Variants in OR10H1 observed in about 807,000 individuals in gnomAD.
The protein encoded by OR10H1 is olfactory receptor 10H1.
In OR10H1, 12 loss-of-function variants were observed where a neutral mutation model predicts 13.1. The ratio of observed to expected loss-of-function variants is 0.92; its 90% CI spans 0.59 to 1.48. The LOEUF (loss-of-function observed/expected upper bound fraction) is 1.48. OR10H1 is among the 40% of genes most tolerant of loss of function. The probability of loss-of-function intolerance (pLI) is 0.00; values close to 1 mark genes in which losing one functional copy is unlikely to be tolerated. For synonymous variants in OR10H1, 168 were observed against 175.6 expected (o/e 0.96, Z 0.34); for missense variants, 363 against 413.1 (o/e 0.88, Z 1.05).
Position 15,807,023 on chromosome 19 carries a change from C to T in OR10H1, c.*58G>A, listed in dbSNP as rs1013094181. On this transcript the variant is annotated 3_prime_UTR_variant, in exon 4 of 4. Coordinates refer to ENST00000641419, the MANE Select transcript of OR10H1 (RefSeq NM_013940.4). ...ATTACAGGCATGAGTCACCACGGAACGTAATTTTTAACAATAGCCTTCGGT... is the reference window on the plus strand; with the variant it reads ...ATTACAGGCATGAGTCACCACGGAATGTAATTTTTAACAATAGCCTTCGGT... 13 of 1,501,770 alleles carry T rather than the reference C, an allele frequency of 8.7e-6. No homozygotes were observed. Among genetic ancestry groups the T allele is most frequent in the Admixed American group, 1.8e-5 (1 of 54,854 alleles). The allele number at this position is 1,501,770 out of a possible 1,614,324, so 93.0% of individuals were successfully genotyped here. A position where few individuals can be genotyped will look rare whatever the true frequency, so the allele number is the denominator to read the frequency against.
At chr19:15,810,345 C>T (rs563294516) in intron 2 of OR10H1, among the ~76,000 whole-genome samples, 23 of 147,944 alleles carry the variant, frequency 1.6e-4, no homozygotes, top group African/African-American at 4.3e-4. Context: ...TCTGTTTCTA[C>T]GGATGTGTCT....
Position 15,806,893 on chromosome 19 carries a change from A to G in OR10H1, c.*188T>C. The G allele has an allele frequency of 1.7e-6, 1 of 576,022 alleles. No individual in the cohort carries two copies. The highest frequency in any genetic ancestry group is 2.0e-5 in the South Asian group (1 of 49,370). 35.7% of individuals were successfully genotyped at this position (576,022 alleles called of 1,614,324 possible). On this transcript the variant is annotated 3_prime_UTR_variant, in exon 4 of 4. Coordinates refer to ENST00000641419, the MANE Select transcript of OR10H1 (RefSeq NM_013940.4). ...AGGCATGTGCCAACATGCCTGGCTA[A>G]TTTTTGTATTTTTAGTAGAGATGGG... is the stretch of plus-strand genomic sequence containing the variant.
At chr19:15,815,340 C>CA (rs10648172) in intron 1 of OR10H1, among the ~76,000 whole-genome samples, 23,440 of 115,414 alleles carry the variant, frequency 0.2, 2,172 homozygotes, top group Non-Finnish European at 0.22. Context: ...GATTCCGTCT[C>CA]AAAAAAAAAA....
chr19:15,811,782 G>A (rs1475414871), intron 2 of OR10H1, among the ~76,000 whole-genome samples: 1 of 152,138 alleles, frequency 6.6e-6, no homozygotes, highest in Non-Finnish European at 1.5e-5. Context: ...GTAACAGCAG[G>A]CATTGGTTCA....
At chr19:15,808,284 G>T (rs2088914723) in intron 3 of OR10H1, among the ~76,000 whole-genome samples, 1 of 152,140 alleles carries the variant, frequency 6.6e-6, no homozygotes, top group Non-Finnish European at 1.5e-5. Context: ...TGTAGAGCTT[G>T]CTCAAGGCCA....
chr19:15,815,216 C>T (rs2088959641), intron 1 of OR10H1, among the ~76,000 whole-genome samples: 1 of 152,046 alleles, frequency 6.6e-6, no homozygotes, highest in Admixed American at 6.5e-5. Flanking sequence ...TGGCACGCAC[C>T]TGTAGTCCCA....
intron 2 of OR10H1, among the ~76,000 whole-genome samples, chr19:15,810,167 G>C (rs1599313137): frequency 6.6e-6 from 1 of 151,676 alleles, no homozygotes; most frequent in East Asian, 1.9e-4. Context: ...TGGTGGCACA[G>C]GCCTGTGGTC....
At position 15,807,267 on chromosome 19, in the gene OR10H1, G is replaced by A. The variant is rs745790574; in HGVS notation, c.771C>T (p.Ser257=). The change falls in exon 4 of 4, where the codon TCC becomes TCT. Residue 257 remains serine (S), a synonymous_variant. Coordinates refer to ENST00000641419, the MANE Select transcript of OR10H1 (RefSeq NM_013940.4). The part of the protein sequence containing the change: ...TVVVVHYGFA[S]VIYLKPKSPQ... ...GACTTTTGGGCTTCAGGTAAATGAC[G>A]GAGGCAAAGCCATAGTGCACGACCA... 2.5e-6 allele frequency: 4 copies of A among 1,614,126 alleles called. No individual in the cohort carries two copies. Among genetic ancestry groups the A allele is most frequent in the Non-Finnish European group, 2.5e-6 (3 of 1,180,018 alleles).
intron 2 of OR10H1, among the ~76,000 whole-genome samples, chr19:15,811,076 G>T (rs938528399): frequency 1.3e-5 from 2 of 152,066 alleles, no homozygotes; most frequent in Non-Finnish European, 2.9e-5. Flanking sequence ...AGCTCCTTTG[G>T]TGAGCAGAGG....
At position 15,808,041 on chromosome 19, in the gene OR10H1, G is replaced by A; in HGVS notation, c.-4C>T. On this transcript the variant is annotated 5_prime_UTR_variant, in exon 4 of 4. Coordinates refer to ENST00000641419, the MANE Select transcript of OR10H1 (RefSeq NM_013940.4). The stretch of plus-strand genomic sequence containing the variant: ...TGGAGTGATTGGCTCTCTGCATGGA[G>A]GCTGTGCCTGGGGTGAGATGTGACA... The A allele has an allele frequency of 1.1e-5, 17 of 1,605,094 alleles. No homozygotes were observed. The highest frequency in any genetic ancestry group is 1.4e-5 in the Non-Finnish European group (16 of 1,173,000).
At chr19:15,814,496 A>T (rs879746152) in intron 1 of OR10H1, among the ~76,000 whole-genome samples, 15,478 of 70,302 alleles carry the variant, frequency 0.22, 993 homozygotes, top group Middle Eastern at 0.35. Flanking sequence ...AGAGAGAGAG[A>T]GAGAGAGAGA....
chr19:15,807,287 C>G lies in OR10H1; in HGVS notation c.751G>C (p.Val251Leu). Residue 251 changes from valine to leucine, a missense_variant, in exon 4 of 4, where the codon GTG (valine) becomes CTG (leucine). This residue lies in a region of OR10H1 where 318 missense variants were observed against 366.6 expected (regional missense o/e 0.87). Coordinates refer to ENST00000641419, the MANE Select transcript of OR10H1 (RefSeq NM_013940.4). ...ATGACGGAGGCAAAGCCATAGTGCACGACCACCACAGTGAGGTGAGAGGCA... is the reference window on the plus strand; with the variant it reads ...ATGACGGAGGCAAAGCCATAGTGCAGGACCACCACAGTGAGGTGAGAGGCA... ...TCASHLTVVV[V>L]HYGFASVIYL... The G allele has an allele frequency of 6.2e-7, 1 of 1,614,078 alleles. No homozygotes were observed. Among genetic ancestry groups the G allele is most frequent in the Non-Finnish European group, 8.5e-7 (1 of 1,180,008 alleles).
At chr19:15,814,941 T>A (rs1339249821) in intron 1 of OR10H1, among the ~76,000 whole-genome samples, 2 of 152,176 alleles carry the variant, frequency 1.3e-5, no homozygotes, top group Non-Finnish European at 2.9e-5. Context: ...GAGGTTAAAA[T>A]CAAACCATCA....
intron 1 of OR10H1, 50 bp downstream of exon 1, chr19:15,815,505 G>C (rs896999391): frequency 2.6e-5 from 4 of 152,242 alleles, no homozygotes; most frequent in Non-Finnish European, 4.4e-5. Context: ...GGCAGGTGCT[G>C]GTTCCCCAGG....
Position 15,805,432 on chromosome 19 carries a change from G to A in OR10H1, c.*1649C>T, listed in dbSNP as rs2017631. 0.41 allele frequency: 58,788 copies of A among 143,208 alleles called. 13,050 individuals are homozygous for A. Among genetic ancestry groups the A allele is most frequent in the African/African-American group, 0.57 (22,330 of 39,082 alleles). 8.9% of individuals were successfully genotyped at this position (143,208 alleles called of 1,614,324 possible). On this transcript the variant is annotated 3_prime_UTR_variant, in exon 4 of 4. Coordinates refer to ENST00000641419, the MANE Select transcript of OR10H1 (RefSeq NM_013940.4). ...CTGCCCATTGGGAAGAGACCATGAG[G>A]TAAACTTTCTTTTTTTTTTTTTTTT... is the stretch of plus-strand genomic sequence containing the variant.
At chr19:15,813,136 C>T (rs2088943885) in intron 1 of OR10H1, among the ~76,000 whole-genome samples, 1 of 132,492 alleles carries the variant, frequency 7.5e-6, no homozygotes, top group Non-Finnish European at 1.6e-5. Flanking sequence ...TCAGTTGTAA[C>T]AGATTAATGG....
At chr19:15,809,027 G>A (rs1049919682) in intron 2 of OR10H1, among the ~76,000 whole-genome samples, 186 bp from the exon 3 acceptor site, 2 of 152,026 alleles carry the variant, frequency 1.3e-5, no homozygotes, top group South Asian at 2.1e-4. Context: ...AACAGGGCGC[G>A]TCTCTAAATC....
In OR10H1 at chr19:15,805,494, C is replaced by T. The variant is rs1476082832; in HGVS notation, c.*1587G>A. 7.8e-6 allele frequency: 1 copy of T among 127,394 alleles called. No homozygotes were observed. Among genetic ancestry groups the T allele is most frequent in the Non-Finnish European group, 1.5e-5 (1 of 64,746 alleles). The allele number at this position is 127,394 out of a possible 1,614,324, so 7.9% of individuals were successfully genotyped here. On this transcript the variant is annotated 3_prime_UTR_variant, in exon 4 of 4. Coordinates refer to ENST00000641419, the MANE Select transcript of OR10H1 (RefSeq NM_013940.4). ...ATGGAGTCTCAGTCTGTCACCCAGG[C>T]TGGAGTGCAGTGGTGTGATCTCAGC...
In OR10H1 at chr19:15,807,974, G is replaced by T; in HGVS notation, c.64C>A (p.His22Asn). Residue 22 changes from histidine (H) to asparagine (N), a missense_variant, in exon 4 of 4, where the codon CAC (histidine) becomes AAC (asparagine). Transcript: ENST00000641419. ...FILVGFSVFP[H>N]LQLMLFLLFL... ...AGCAGGAAGAGCATCAGCTGGAGGTGGGGGAAGACAGAGAAGCCGACGAGG... is the reference window on the plus strand; with the variant it reads ...AGCAGGAAGAGCATCAGCTGGAGGTTGGGGAAGACAGAGAAGCCGACGAGG... 2 of 1,614,172 alleles carry T rather than the reference G, an allele frequency of 1.2e-6. No individual in the cohort carries two copies. Among genetic ancestry groups the T allele is most frequent in the Non-Finnish European group, 1.7e-6 (2 of 1,180,020 alleles).
Sources: allele counts gnomAD v4.1 joint callset (sites outside exome capture counted in the v4.1 genomes callset), GRCh38; gene constraint gnomAD v4.1.1; regional missense constraint gnomAD v4.1.1; transcripts MANE v1.5; gene names NCBI Gene and HGNC (gene_info 2026-07-23, HGNC 2026-07-21).